The following IPO5 variants were observed in gnomAD, a reference collection of about 807,000 sequenced individuals.
The protein encoded by IPO5 is importin-5.
In IPO5, 18 loss-of-function variants were observed where a neutral mutation model predicts 143.3. That is an observed-to-expected ratio of 0.13 (90% CI 0.09 to 0.19). The LOEUF is 0.19. Among genes scored for constraint, IPO5 ranks in the 10% least tolerant of loss-of-function variants. The pLI is 1.00. For missense variants in IPO5, 1,013 were observed against 1,336.9 expected, an observed-to-expected ratio of 0.76 and a Z score of 3.78; for synonymous variants, 477 against 465.7, an observed-to-expected ratio of 1.02 and a Z score of -0.31.
chr13:98,020,616 G>A (rs1890420234), intron 27 of IPO5, among the ~76,000 whole-genome samples: 2 of 152,150 alleles, frequency 1.3e-5, no homozygotes, highest in South Asian at 4.1e-4. Flanking sequence ...ACTTGCCTGA[G>A]TTTATTTCCC....
intron 4 of IPO5, among the ~76,000 whole-genome samples, chr13:97,980,175 C>T (rs1200160702): frequency 6.6e-6 from 1 of 152,170 alleles, no homozygotes; most frequent in Non-Finnish European, 1.5e-5. Flanking sequence ...CACTAATATG[C>T]TACGTACTTA....
chr13:97,988,865 CT>C (rs35403275), intron 6 of IPO5, among the ~76,000 whole-genome samples, 196 bp from the exon 7 acceptor site: 4,295 of 141,424 alleles, frequency 0.03, 153 homozygotes, highest in African/African-American at 0.092. Context: ...TTTGTTTGGT[CT>C]TTTTTTTTTT....
At chr13:97,965,281 A>C (rs1329897942) in intron 2 of IPO5, among the ~76,000 whole-genome samples, 1 of 152,166 alleles carries the variant, frequency 6.6e-6, no homozygotes, top group Non-Finnish European at 1.5e-5. Flanking sequence ...TAGGTGCAGC[A>C]AACCACCATG....
chr13:97,956,753 C>G (rs184002029), intron 2 of IPO5, among the ~76,000 whole-genome samples: 17 of 152,346 alleles, frequency 1.1e-4, no homozygotes, highest in African/African-American at 3.8e-4. Context: ...TCAATTCACA[C>G]AAGCCAAGTG....
In IPO5 at chr13:98,009,991, G is replaced by A; in HGVS notation, c.1911G>A (p.Lys637=). The part of the protein sequence containing the change: ...MGPLMKTASI[K]PEVALLDTQD... ...CTTTAATGAAGACGGCTTCAATTAA[G>A]CCCGAAGTAGCCCTTTTAGATAGTA... Residue 637 remains lysine, a synonymous_variant, in exon 19 of 29, where the codon AAG becomes AAA. Transcript: ENST00000651721. 1.2e-6 allele frequency: 2 copies of A among 1,614,150 alleles called. No homozygotes were observed. The highest frequency in any genetic ancestry group is 1.7e-6 in the Non-Finnish European group (2 of 1,180,000).
chr13:97,993,389 C>A (rs1476010637), intron 11 of IPO5, among the ~76,000 whole-genome samples, 164 bp downstream of exon 11: 4 of 152,146 alleles, frequency 2.6e-5, no homozygotes, highest in African/African-American at 7.2e-5. Context: ...AGCGTGGACC[C>A]CCACATTGTG....
At chr13:98,015,002 C>T (rs1454119750) in intron 22 of IPO5, among the ~76,000 whole-genome samples, 2 of 151,982 alleles carry the variant, frequency 1.3e-5, no homozygotes, top group Non-Finnish European at 2.9e-5. Flanking sequence ...AGTGTCACTC[C>T]CATTTTGCAC....
chr13:98,000,954 T>C, intron 13 of IPO5: 1 of 293,774 alleles, frequency 3.4e-6, no homozygotes, highest in Non-Finnish European at 6.4e-6. Context: ...GAAGAAACTC[T>C]ATCTAATGTT....
At chr13:97,994,789 C>T (rs1020340235) in intron 11 of IPO5, among the ~76,000 whole-genome samples, 15 of 152,018 alleles carry the variant, frequency 9.9e-5, no homozygotes, top group Admixed American at 7.2e-4. Context: ...GGAGAAGATC[C>T]GCTCACATGG....
chr13:97,972,063 A>AT (rs1885869501), intron 3 of IPO5, among the ~76,000 whole-genome samples: 1 of 152,230 alleles, frequency 6.6e-6, no homozygotes, highest in Admixed American at 6.5e-5. Context: ...GTTACAGATT[A>AT]TAACACTTTG....
intron 9 of IPO5, among the ~76,000 whole-genome samples, chr13:97,992,452 T>C (rs1010877716): frequency 6.6e-6 from 1 of 152,166 alleles, no homozygotes; most frequent in Non-Finnish European, 1.5e-5. Flanking sequence ...TGGCCACACA[T>C]GTTGTCCTGG....
intron 6 of IPO5, among the ~76,000 whole-genome samples, 180 bp from the exon 7 acceptor site, chr13:97,988,882 A>G (rs577707491): frequency 6.6e-6 from 1 of 150,698 alleles, no homozygotes; most frequent in East Asian, 1.9e-4. Context: ...TTTTTTTAAC[A>G]TGATTGTGAT....
intron 4 of IPO5, 65 bp from the exon 5 acceptor site, chr13:97,982,438 T>G (rs1886928383): frequency 8.4e-6 from 9 of 1,071,824 alleles, no homozygotes; most frequent in Non-Finnish European, 1.3e-5. Context: ...TGTTTATTTC[T>G]TTCACTGGTT....
intron 9 of IPO5, among the ~76,000 whole-genome samples, chr13:97,991,917 G>A (rs891362255): frequency 1.3e-5 from 2 of 152,194 alleles, no homozygotes; most frequent in African/African-American, 2.4e-5. Flanking sequence ...AGGACATTTA[G>A]TATCCATGGC....
intron 3 of IPO5, among the ~76,000 whole-genome samples, chr13:97,972,169 A>G (rs1885880209): frequency 6.6e-6 from 1 of 152,210 alleles, no homozygotes; most frequent in South Asian, 2.1e-4. Context: ...GACCCGAGAC[A>G]ACTTAAAACA....
chr13:98,004,615 A>G lies in IPO5; in HGVS notation c.1498-1515A>G, dbSNP rs574300557. On this transcript the variant is annotated intron_variant, in intron 16 of 28. Transcript: ENST00000651721. ...TGTTGGGATGGGATGGTAGGAGGACAGTGTTCACGAGGAAGAGTTGTACGA... is the reference window on the plus strand; with the variant it reads ...TGTTGGGATGGGATGGTAGGAGGACGGTGTTCACGAGGAAGAGTTGTACGA... 3.2e-4 allele frequency among the ~76,000 whole-genome samples: 49 copies of G among 152,294 alleles called. No homozygotes were observed. In the South Asian group the frequency reaches 9.3e-3, roughly 29 times the overall value.
At position 98,002,942 on chromosome 13, in the gene IPO5, A is replaced by G. The variant is rs776973796; in HGVS notation, c.1402A>G (p.Asn468Asp). The G allele has an allele frequency of 6.2e-7, 1 of 1,613,800 alleles. No individual in the cohort carries two copies. The highest frequency in any genetic ancestry group is 8.5e-7 in the Non-Finnish European group (1 of 1,179,748). ...GGCCCATGCAGCTGCTGCCCTCATT[A>G]ACTTTACTGAAGACTGTCCCAAGTC... ...VQAHAAAALI[N>D]FTEDCPKSLL... Residue 468 changes from asparagine (N) to aspartate (D), a missense_variant, in exon 16 of 29, where the codon AAC becomes GAC. Coordinates refer to ENST00000651721, the MANE Select transcript of IPO5 (RefSeq NM_002271.6).
chr13:97,987,267 T>TA (rs55878542), intron 6 of IPO5: 10 of 152,180 alleles, frequency 6.6e-5, no homozygotes, highest in African/African-American at 2.4e-4. Flanking sequence ...TTTTTTTTTT[T>TA]AGACAGGGAT....
At position 98,019,826 on chromosome 13, in the gene IPO5, T is replaced by C; in HGVS notation, c.3065+17T>C. On this transcript the variant is annotated intron_variant, in intron 27 of 28. Coordinates refer to ENST00000651721, the MANE Select transcript of IPO5 (RefSeq NM_002271.6). ...GATTGAAAGGTAGGAAAGCAGACTGTGACCTTATTTCCTTCTCCTCCACAG... is the reference window on the plus strand; with the variant it reads ...GATTGAAAGGTAGGAAAGCAGACTGCGACCTTATTTCCTTCTCCTCCACAG... 1.3e-6 allele frequency: 2 copies of C among 1,531,132 alleles called. No homozygotes were observed. Among genetic ancestry groups the C allele is most frequent in the Non-Finnish European group, 1.8e-6 (2 of 1,105,128 alleles). The allele number at this position is 1,531,132 out of a possible 1,614,324, so 94.8% of individuals were successfully genotyped here.
Sources: gnomAD v4.1 joint callset for allele counts (sites outside exome capture counted in the v4.1 genomes callset) on GRCh38, gnomAD v4.1.1 for gene constraint, MANE v1.5 for transcripts, NCBI Gene and HGNC (gene_info 2026-07-23, HGNC 2026-07-21) for gene names.